Variants in RBM18 observed in about 807,000 individuals in gnomAD.
RBM18 encodes the protein probable RNA-binding protein 18.
RBM18 carries 18 observed loss-of-function variants against 26.4 expected under a neutral mutation model. The observed-to-expected ratio is 0.68, with a 90% CI of 0.47 to 1.01. The LOEUF (loss-of-function observed/expected upper bound fraction) is 1.01. Ranked by LOEUF, RBM18 falls within the 50% of genes least tolerant of loss-of-function variation. The pLI is 0.00. For missense variants in RBM18, 180 were observed against 219.2 expected (o/e 0.82, Z 1.13); for synonymous variants, 74 against 81.1 (o/e 0.91, Z 0.47).
At chr9:122,263,924 G>T (rs1476450783) in intron 1 of RBM18, among the ~76,000 whole-genome samples, 2 of 152,162 alleles carry the variant, frequency 1.3e-5, no homozygotes, top group Admixed American at 1.3e-4. Flanking sequence ...GCATCCTCTC[G>T]ATAGAAAAGC....
At position 122,238,174 on chromosome 9, in the gene RBM18, C is replaced by T. The variant is rs1226035806; in HGVS notation, c.*3710G>A. The T allele has an allele frequency of 6.6e-6, 1 of 152,174 alleles. No individual in the cohort carries two copies. The highest frequency in any genetic ancestry group is 1.9e-4 in the East Asian group (1 of 5,200). 9.4% of individuals were successfully genotyped at this position (152,174 alleles called of 1,614,324 possible). A position where few individuals can be genotyped will look rare whatever the true frequency, so the allele number is the denominator to read the frequency against. Reference sequence around the variant, plus strand: ...GGCTATATGAGATGGTCTCTTAAGGCCCTTTGGCTCTCAAATACCAGAATT... The same window carrying T: ...GGCTATATGAGATGGTCTCTTAAGGTCCTTTGGCTCTCAAATACCAGAATT... On this transcript the variant is annotated 3_prime_UTR_variant, in exon 6 of 6. Transcript: ENST00000417201.
At chr9:122,254,810 A>G (rs950922072) in intron 2 of RBM18, among the ~76,000 whole-genome samples, 1 of 152,252 alleles carries the variant, frequency 6.6e-6, no homozygotes, top group African/African-American at 2.4e-5. Flanking sequence ...ATGTAATCAA[A>G]CAATTACAAA....
intron 3 of RBM18, among the ~76,000 whole-genome samples, chr9:122,250,278 T>C (rs934756208): frequency 1.3e-5 from 2 of 152,138 alleles, no homozygotes; most frequent in African/African-American, 4.8e-5. Flanking sequence ...TTGAAGACAA[T>C]CTGGCAGTTT....
At chr9:122,253,816 A>C (rs1391486278) in intron 2 of RBM18, among the ~76,000 whole-genome samples, 1 of 151,932 alleles carries the variant, frequency 6.6e-6, no homozygotes, top group African/African-American at 2.4e-5. Flanking sequence ...GCCTGAGGTC[A>C]GGACTTCGAG....
intron 3 of RBM18, 75 bp from the exon 4 acceptor site, chr9:122,247,679 A>C (rs1366764602): frequency 4.4e-6 from 5 of 1,125,972 alleles, no homozygotes; most frequent in Non-Finnish European, 6.7e-6. Flanking sequence ...ACAGGGCTTC[A>C]CTAGCTTTGA....
At chr9:122,257,466 CCA>C (rs1483965460) in intron 2 of RBM18, among the ~76,000 whole-genome samples, 3 of 152,146 alleles carry the variant, frequency 2.0e-5, no homozygotes, top group Non-Finnish European at 4.4e-5. Flanking sequence ...AATATTACAA[CCA>C]CAGAGTGAAC....
At chr9:122,258,455 A>G (rs572756191) in intron 2 of RBM18, among the ~76,000 whole-genome samples, 7 of 152,062 alleles carry the variant, frequency 4.6e-5, no homozygotes, top group Admixed American at 4.6e-4. Context: ...TTTTAGTAGA[A>G]ATGGGGTTTC....
intron 2 of RBM18, among the ~76,000 whole-genome samples, chr9:122,259,707 T>C (rs1190909809): frequency 1.3e-5 from 2 of 152,176 alleles, no homozygotes; most frequent in African/African-American, 2.4e-5. Context: ...AGAAGCAGGT[T>C]TCCTCATCTC....
At position 122,239,706 on chromosome 9, in the gene RBM18, C is replaced by A. The variant is rs10733657; in HGVS notation, c.*2178G>T. 2 of 152,344 alleles carry A rather than the reference C, an allele frequency of 1.3e-5. No individual in the cohort carries two copies. The highest frequency in any genetic ancestry group is 3.9e-4 in the East Asian group (2 of 5,190). 9.4% of individuals were successfully genotyped at this position (152,344 alleles called of 1,614,324 possible). A position where few individuals can be genotyped will look rare whatever the true frequency, so the allele number is the denominator to read the frequency against. On this transcript the variant is annotated 3_prime_UTR_variant, in exon 6 of 6. Transcript: ENST00000417201. ...ATTTCTTCTTTTGAAATCTCTACCA[C>A]GAGAGACTAAACACAGTACGATACT...
chr9:122,253,103 T>C (rs1311375418), intron 2 of RBM18, among the ~76,000 whole-genome samples: 3 of 152,202 alleles, frequency 2.0e-5, no homozygotes, highest in Admixed American at 1.3e-4. Context: ...ATGCTAAATC[T>C]GTTATTACTG....
At chr9:122,261,344 T>C in intron 2 of RBM18, 36 bp downstream of exon 2, 2 of 1,408,318 alleles carry the variant, frequency 1.4e-6, no homozygotes, top group Non-Finnish European at 2.0e-6. Flanking sequence ...AACATCCCAA[T>C]ATTGTAGGTA....
At chr9:122,258,588 A>C (rs532096699) in intron 2 of RBM18, among the ~76,000 whole-genome samples, 15 of 152,214 alleles carry the variant, frequency 9.9e-5, no homozygotes, top group Admixed American at 6.5e-4. Context: ...TTTAAGCATA[A>C]ATTTATTACA....
At chr9:122,260,552 G>A (rs1831774966) in intron 2 of RBM18, among the ~76,000 whole-genome samples, 1 of 152,072 alleles carries the variant, frequency 6.6e-6, no homozygotes, top group Non-Finnish European at 1.5e-5. Flanking sequence ...GGGAGTCAGG[G>A]CAATTCAATC....
chr9:122,263,414 T>G (rs1418800998), intron 1 of RBM18, among the ~76,000 whole-genome samples: 3 of 152,206 alleles, frequency 2.0e-5, no homozygotes, highest in African/African-American at 7.2e-5. Flanking sequence ...GAGACACATT[T>G]TTGTCTTCCC....
chr9:122,247,525 T>C lies in RBM18; in HGVS notation c.320A>G (p.Gln107Arg), dbSNP rs376023850. 63 of 1,613,762 alleles carry C rather than the reference T, an allele frequency of 3.9e-5. No homozygotes were observed. Among genetic ancestry groups the C allele is most frequent in the Non-Finnish European group, 4.7e-5 (56 of 1,179,872 alleles). ...CTAGCCTCTCAGACGTACCTTTACT[T>C]GAGCATGTGCCCATCGCACCACCAG... ...KKLVVRWAHA[Q>R]VKRYDHNKND... The change falls in exon 4 of 6, where the codon CAA becomes CGA. Residue 107 changes from glutamine (Q) to arginine (R), a missense_variant. Physicochemically the swap from Gln to Arg is conservative, Grantham distance 43. Around this residue, in one of 3 missense-constraint regions of RBM18, gnomAD observed 103 missense variants for 102.8 expected, o/e 1.00. Transcript: ENST00000417201.
intron 2 of RBM18, among the ~76,000 whole-genome samples, chr9:122,253,720 TA>T (rs574918085): frequency 0.037 from 4,800 of 131,056 alleles, 69 homozygotes; most frequent in Non-Finnish European, 0.045. Flanking sequence ...AACCTATTCT[TA>T]AAAAAAAAAA....
intron 2 of RBM18, among the ~76,000 whole-genome samples, chr9:122,260,144 C>T (rs1587981329): frequency 2.0e-5 from 3 of 151,956 alleles, no homozygotes; most frequent in South Asian, 4.1e-4. Context: ...GTAAGGAGTT[C>T]GAGATCAGCC....
In RBM18 at chr9:122,238,427, C is replaced by T. The variant is rs962073973; in HGVS notation, c.*3457G>A. ...ACAGGTTGTAATTTTAAGAGGGAGG[C>T]CGGGGACTGCCTCTTGATCATTAAC... On this transcript the variant is annotated 3_prime_UTR_variant, in exon 6 of 6. Transcript: ENST00000417201. 6.6e-6 allele frequency: 1 copy of T among 152,120 alleles called. No homozygotes were observed. Among genetic ancestry groups the T allele is most frequent in the Admixed American group, 6.5e-5 (1 of 15,268 alleles). The allele number at this position is 152,120 out of a possible 1,614,324, so 9.4% of individuals were successfully genotyped here.
intron 3 of RBM18, among the ~76,000 whole-genome samples, chr9:122,249,470 T>G (rs1182779235): frequency 6.6e-6 from 1 of 152,142 alleles, no homozygotes; most frequent in Non-Finnish European, 1.5e-5. Context: ...TTCAGCACTT[T>G]GGGAGGCCGA....
Sources: gnomAD v4.1 joint callset for allele counts (sites outside exome capture counted in the v4.1 genomes callset) on GRCh38, gnomAD v4.1.1 for gene constraint, gnomAD v4.1.1 regional missense constraint, MANE v1.5 for transcripts, NCBI Gene and HGNC (gene_info 2026-07-23, HGNC 2026-07-21) for gene names.